The following PVT1 variants were observed in gnomAD, a reference collection of about 807,000 sequenced individuals.
The protein encoded by PVT1 is CXCR4/PVT1 fusion.
At chr8:127,915,608 A>C (rs1586434227) in intron 3 of PVT1, among the ~76,000 whole-genome samples, 1 of 119,388 alleles carries the variant, frequency 8.4e-6, no homozygotes, top group East Asian at 2.3e-4. Flanking sequence ...GCGAAACTCC[A>C]TCTCAAAAAA....
chr8:127,991,446 G>A lies in PVT1; in HGVS notation n.912+2155G>A, dbSNP rs575737090. Among the ~76,000 whole-genome samples the A allele has an allele frequency of 3.6e-4, 55 of 152,154 alleles. 1 individual carries two copies. The highest frequency in any genetic ancestry group is 6.2e-4 in the Non-Finnish European group (42 of 67,998). ...AGGGACAGTCACTGAATTATGTCTTGGGAGCCCATGCTTCTGAGGCAGGCT... is the reference window on the plus strand; with the variant it reads ...AGGGACAGTCACTGAATTATGTCTTAGGAGCCCATGCTTCTGAGGCAGGCT... On this transcript the variant is annotated intron_variant and non_coding_transcript_variant, in intron 4 of 10. Transcript: ENST00000651587.
At chr8:128,025,050 C>T (rs1272938151) in intron 4 of PVT1, among the ~76,000 whole-genome samples, 1 of 152,232 alleles carries the variant, frequency 6.6e-6, no homozygotes, top group Non-Finnish European at 1.5e-5. Flanking sequence ...GAGAGAAGCC[C>T]CTCATGCTGG....
At chr8:128,098,524 C>T (rs1001988025) in intron 6 of PVT1, among the ~76,000 whole-genome samples, 3 of 152,198 alleles carry the variant, frequency 2.0e-5, no homozygotes, top group Non-Finnish European at 4.4e-5. Flanking sequence ...GAGATTAGTA[C>T]ATGTAGAGTG....
intron 2 of PVT1, among the ~76,000 whole-genome samples, chr8:127,864,616 C>T (rs961725897): frequency 5.3e-5 from 8 of 151,974 alleles, no homozygotes; most frequent in African/African-American, 1.2e-4. Flanking sequence ...GGCGCGATCT[C>T]GGCTCACTGC....
chr8:128,072,336 T>C (rs1814008236), intron 5 of PVT1, among the ~76,000 whole-genome samples: 1 of 152,178 alleles, frequency 6.6e-6, no homozygotes, highest in Admixed American at 6.5e-5. Flanking sequence ...AGAACAAGCA[T>C]GCATGGGATG....
chr8:128,069,039 G>A (rs191484393), intron 4 of PVT1, among the ~76,000 whole-genome samples: 9 of 152,276 alleles, frequency 5.9e-5, no homozygotes, highest in African/African-American at 2.2e-4. Context: ...TGGACTCCAG[G>A]GTCCTTCTGT....
chr8:128,021,653 GGTGA>G (rs1241228930), intron 4 of PVT1, among the ~76,000 whole-genome samples: 1 of 152,098 alleles, frequency 6.6e-6, no homozygotes, highest in Non-Finnish European at 1.5e-5. Context: ...GCTGTTGCAG[GGTGA>G]GTGTGCTAAA....
At chr8:127,925,354 C>CA (rs972193232) in intron 3 of PVT1, among the ~76,000 whole-genome samples, 6 of 151,942 alleles carry the variant, frequency 3.9e-5, no homozygotes, top group African/African-American at 1.2e-4. Flanking sequence ...TTGAAAAAAT[C>CA]AAAAAAATCT....
At chr8:127,829,282 G>T (rs918073555) in intron 2 of PVT1, among the ~76,000 whole-genome samples, 2 of 151,474 alleles carry the variant, frequency 1.3e-5, no homozygotes, top group African/African-American at 4.8e-5. Flanking sequence ...CATCTCAGGG[G>T]AAAAAAAATG....
chr8:128,013,239 C>G (rs754533233), intron 4 of PVT1, among the ~76,000 whole-genome samples: 1 of 152,110 alleles, frequency 6.6e-6, no homozygotes, highest in African/African-American at 2.4e-5. Context: ...TACTAGTTTC[C>G]TTATAAGTCT....
intron 4 of PVT1, among the ~76,000 whole-genome samples, chr8:127,998,845 T>TTCCTTCCC (rs1320470833): frequency 1.8e-5 from 2 of 109,814 alleles, no homozygotes; most frequent in East Asian, 2.6e-4. Flanking sequence ...CCTTCCTTCC[T>TTCCTTCCC]TCCCTCCCTC....
intron 3 of PVT1, among the ~76,000 whole-genome samples, chr8:127,967,787 G>T (rs1213196252): frequency 6.6e-6 from 1 of 152,236 alleles, no homozygotes; most frequent in African/African-American, 2.4e-5. Context: ...AAGAGCTCAC[G>T]ATGGTCCTGT....
At chr8:127,919,493 T>C (rs1816031240) in intron 3 of PVT1, among the ~76,000 whole-genome samples, 1 of 152,158 alleles carries the variant, frequency 6.6e-6, no homozygotes, top group Admixed American at 6.5e-5. Flanking sequence ...TTGTGCAATG[T>C]TATATATTTT....
At chr8:127,963,208 C>T (rs891777051) in intron 3 of PVT1, among the ~76,000 whole-genome samples, 7 of 152,252 alleles carry the variant, frequency 4.6e-5, no homozygotes, top group African/African-American at 1.7e-4. Context: ...AGGCTGACTT[C>T]ACACCATGCT....
At chr8:128,099,137 C>A (rs1814468034) in intron 6 of PVT1, among the ~76,000 whole-genome samples, 1 of 152,192 alleles carries the variant, frequency 6.6e-6, no homozygotes, top group African/African-American at 2.4e-5. Context: ...CCCACCCAGG[C>A]CTTCTCACTC....
intron 4 of PVT1, among the ~76,000 whole-genome samples, chr8:128,057,536 G>C (rs1213337281): frequency 6.6e-6 from 1 of 152,156 alleles, no homozygotes; most frequent in East Asian, 1.9e-4. Context: ...TTACAAACAA[G>C]CACCAGAAAG....
chr8:127,841,031 A>G (rs56976527), intron 2 of PVT1, among the ~76,000 whole-genome samples: 145 of 152,292 alleles, frequency 9.5e-4, no homozygotes, highest in African/African-American at 3.4e-3. Context: ...GTGTGCCCCA[A>G]AGCTTGCTCC....
chr8:127,935,516 A>G (rs1302196555), intron 3 of PVT1, among the ~76,000 whole-genome samples: 1 of 152,008 alleles, frequency 6.6e-6, no homozygotes, highest in African/African-American at 2.4e-5. Context: ...TAGAAGAAGC[A>G]GTGAAGTTTT....
intron 2 of PVT1, among the ~76,000 whole-genome samples, chr8:127,804,490 ATTTTTTAT>A (rs1019572729): frequency 2.0e-5 from 3 of 146,650 alleles, no homozygotes; most frequent in Non-Finnish European, 4.5e-5. Flanking sequence ...TTATTTTTTA[ATTTTTTAT>A]TTTTTTGTAT....
Sources: gnomAD v4.1 joint callset for allele counts (sites outside exome capture counted in the v4.1 genomes callset) on GRCh38, gnomAD v4.1.1 for gene constraint, MANE v1.5 for transcripts, NCBI Gene and HGNC (gene_info 2026-07-23, HGNC 2026-07-21) for gene names.